The following KCNJ6 variants were observed in gnomAD, a reference collection of about 807,000 sequenced individuals.
The protein encoded by KCNJ6 is G protein-activated inward rectifier potassium channel 2.
Under a neutral mutation model 34.2 loss-of-function variants are expected in KCNJ6, and 9 were observed. The ratio of observed to expected loss-of-function variants is 0.26; its 90% CI spans 0.16 to 0.46. The LOEUF is 0.46. KCNJ6 is among the 20% of genes least tolerant of loss of function. The pLI is 1.00. For synonymous variants in KCNJ6, 196 were observed against 207.1 expected (o/e 0.95, Z 0.46); for missense variants, 236 against 531.3 (o/e 0.44, Z 5.46).
rs769017370 is a variant in KCNJ6, at chr21:37,620,438, C to T, written c.*4721G>A. ...AAATTTGAATTTAGGATGATTTTCA[C>T]ATGTCTCAAAATATTCTTCTTTTCT... On this transcript the variant is annotated 3_prime_UTR_variant, in exon 4 of 4. Coordinates refer to ENST00000609713, the MANE Select transcript of KCNJ6 (RefSeq NM_002240.5). The T allele has an allele frequency of 1.3e-5, 2 of 152,126 alleles. No homozygotes were observed. The highest frequency in any genetic ancestry group is 6.5e-5 in the Admixed American group (1 of 15,270). The allele number at this position is 152,126 out of a possible 1,614,324, so 9.4% of individuals were successfully genotyped here.
intron 2 of KCNJ6, among the ~76,000 whole-genome samples, chr21:37,771,930 C>T (rs145745993): frequency 6.6e-6 from 1 of 152,104 alleles, no homozygotes; most frequent in Non-Finnish European, 1.5e-5. Context: ...AAAAAACGAA[C>T]AGAATATGCA....
intron 2 of KCNJ6, among the ~76,000 whole-genome samples, chr21:37,827,350 T>C (rs2055404017): frequency 1.3e-5 from 2 of 152,298 alleles, no homozygotes; most frequent in African/African-American, 4.8e-5. Flanking sequence ...ACAGGTATAC[T>C]CTGGCAACAA....
At chr21:37,883,741 C>A (rs1489106251) in intron 1 of KCNJ6, among the ~76,000 whole-genome samples, 1 of 152,216 alleles carries the variant, frequency 6.6e-6, no homozygotes. Flanking sequence ...GGAACTTGGA[C>A]AACTGTGTTC....
chr21:37,652,435 T>C (rs1260601409), intron 3 of KCNJ6, among the ~76,000 whole-genome samples: 1 of 152,160 alleles, frequency 6.6e-6, no homozygotes. Context: ...AATTTGCTTG[T>C]CAGGGGGCAG....
chr21:37,909,357 C>T (rs1243602521), intron 1 of KCNJ6, among the ~76,000 whole-genome samples: 1 of 151,908 alleles, frequency 6.6e-6, no homozygotes, highest in Non-Finnish European at 1.5e-5. Context: ...GTGCTGGACA[C>T]TGCACAAAGA....
intron 3 of KCNJ6, among the ~76,000 whole-genome samples, chr21:37,667,568 C>T (rs2123404567): frequency 6.8e-6 from 1 of 146,450 alleles, no homozygotes; most frequent in East Asian, 2.0e-4. Context: ...TAGCAGGCTC[C>T]AGGGTAGTGG....
At chr21:37,735,291 C>A (rs1334035702) in intron 2 of KCNJ6, among the ~76,000 whole-genome samples, 1 of 152,202 alleles carries the variant, frequency 6.6e-6, no homozygotes, top group Non-Finnish European at 1.5e-5. Flanking sequence ...AAATAGAATC[C>A]TATCACCAGA....
chr21:37,662,206 G>T (rs1249863341), intron 3 of KCNJ6, among the ~76,000 whole-genome samples: 1 of 152,046 alleles, frequency 6.6e-6, no homozygotes, highest in East Asian at 1.9e-4. Flanking sequence ...CATCACCTAG[G>T]TACTAAGCCC....
intron 2 of KCNJ6, among the ~76,000 whole-genome samples, chr21:37,776,391 A>G (rs1406646660): frequency 6.6e-6 from 1 of 152,196 alleles, no homozygotes; most frequent in African/African-American, 2.4e-5. Context: ...TATGTTGAAT[A>G]GGAGTGGGGA....
intron 3 of KCNJ6, among the ~76,000 whole-genome samples, chr21:37,655,221 GTGTGAGAGAGAGAGAGAGAGAGAGAGAGA>G (rs1601405659): frequency 0.22 from 4,243 of 18,876 alleles, 269 homozygotes; most frequent in East Asian, 0.35. Context: ...GTGTGTGTGT[GTGTGAGAGAGAGAGAGAGAGAGAGAGAGA>G]GAGAGAGAGA....
At chr21:37,844,693 T>C (rs1395933540) in intron 1 of KCNJ6, among the ~76,000 whole-genome samples, 2 of 152,142 alleles carry the variant, frequency 1.3e-5, no homozygotes, top group Admixed American at 1.3e-4. Context: ...ACACTCCAAG[T>C]TCCACTTCAT....
chr21:37,664,776 AAAAG>A (rs1373056936), intron 3 of KCNJ6, among the ~76,000 whole-genome samples: 1 of 148,688 alleles, frequency 6.7e-6, no homozygotes, highest in Non-Finnish European at 1.5e-5. Context: ...GGAGATTGGA[AAAAG>A]AAAGAATATT....
chr21:37,858,129 C>A (rs370703269), intron 1 of KCNJ6, among the ~76,000 whole-genome samples: 1 of 152,040 alleles, frequency 6.6e-6, no homozygotes, highest in African/African-American at 2.4e-5. Flanking sequence ...CGGTGGCTCA[C>A]GCCTGTAATC....
At chr21:37,633,065 T>C (rs2054340988) in intron 3 of KCNJ6, among the ~76,000 whole-genome samples, 3 of 152,154 alleles carry the variant, frequency 2.0e-5, no homozygotes, top group South Asian at 4.1e-4. Flanking sequence ...GCCCATATTA[T>C]TCACTTGTGT....
chr21:37,878,485 G>A (rs985017104), intron 1 of KCNJ6, among the ~76,000 whole-genome samples: 1 of 152,200 alleles, frequency 6.6e-6, no homozygotes, highest in African/African-American at 2.4e-5. Flanking sequence ...CCTGTGGTGG[G>A]CCAGCCTGCC....
At position 37,618,987 on chromosome 21, in the gene KCNJ6, C is replaced by T. The variant is rs1360796342; in HGVS notation, c.*6172G>A. Reference sequence around the variant, plus strand: ...TCCCACTTAGTTGTTTCCTCCCACTCTTCCATGCAGTTGAAGGGTCACAAG... The same window carrying T: ...TCCCACTTAGTTGTTTCCTCCCACTTTTCCATGCAGTTGAAGGGTCACAAG... On this transcript the variant is annotated 3_prime_UTR_variant, in exon 4 of 4. Coordinates refer to ENST00000609713, the MANE Select transcript of KCNJ6 (RefSeq NM_002240.5). 1 of 152,234 alleles carries T rather than the reference C, an allele frequency of 6.6e-6. No homozygotes were observed. The highest frequency in any genetic ancestry group is 1.5e-5 in the Non-Finnish European group (1 of 68,046). The allele number at this position is 152,234 out of a possible 1,614,324, so 9.4% of individuals were successfully genotyped here.
intron 3 of KCNJ6, among the ~76,000 whole-genome samples, chr21:37,705,206 C>T (rs2054713352): frequency 6.6e-6 from 1 of 152,166 alleles, no homozygotes; most frequent in Non-Finnish European, 1.5e-5. Flanking sequence ...TGGAGCTCCT[C>T]AAACATGCCA....
rs552182206 is a variant in KCNJ6, at chr21:37,624,075, T to C, written c.*1084A>G. On this transcript the variant is annotated 3_prime_UTR_variant, in exon 4 of 4. Coordinates refer to ENST00000609713, the MANE Select transcript of KCNJ6 (RefSeq NM_002240.5). ...AGAAAAGTTTCCTAAATTATTGTAC[T>C]ACAAAGGGCAAGAGCTCATGTGAAA... The C allele has an allele frequency of 6.6e-6, 1 of 152,318 alleles. No individual in the cohort carries two copies. The highest frequency in any genetic ancestry group is 1.9e-4 in the East Asian group (1 of 5,196). 9.4% of individuals were successfully genotyped at this position (152,318 alleles called of 1,614,324 possible). A position where few individuals can be genotyped will look rare whatever the true frequency, so the allele number is the denominator to read the frequency against.
chr21:37,701,789 C>T (rs1268573194), intron 3 of KCNJ6, among the ~76,000 whole-genome samples: 1 of 152,082 alleles, frequency 6.6e-6, no homozygotes, highest in Non-Finnish European at 1.5e-5. Flanking sequence ...TGCAACATGT[C>T]AGTTGGGAAG....
Sources: gnomAD v4.1 joint callset for allele counts (sites outside exome capture counted in the v4.1 genomes callset) on GRCh38, gnomAD v4.1.1 for gene constraint, MANE v1.5 for transcripts, NCBI Gene and HGNC (gene_info 2026-07-23, HGNC 2026-07-21) for gene names.